SLC35F1: variants seen among roughly 807,000 people sequenced by gnomAD.
SLC35F1 encodes chromosome 6 open reading frame 169.
Under a neutral mutation model 48.7 loss-of-function variants are expected in SLC35F1, and 14 were observed. The ratio of observed to expected loss-of-function variants is 0.29; its 90% CI spans 0.19 to 0.45. The LOEUF (loss-of-function observed/expected upper bound fraction) is 0.45, where lower values mean the gene tolerates loss of function less well. Among genes scored for constraint, SLC35F1 ranks in the 20% least tolerant of loss-of-function variants. The probability of loss-of-function intolerance (pLI) is 1.00; values close to 1 mark genes in which losing one functional copy is unlikely to be tolerated. For synonymous variants in SLC35F1, 190 were observed against 202.2 expected, an observed-to-expected ratio of 0.94 and a Z score of 0.51; for missense variants, 404 against 500.0, an observed-to-expected ratio of 0.81 and a Z score of 1.83.
chr6:118,006,658 G>T (rs2114872611), intron 1 of SLC35F1, among the ~76,000 whole-genome samples: 1 of 152,122 alleles, frequency 6.6e-6, no homozygotes, highest in East Asian at 1.9e-4. Context: ...TAAAGTGTGT[G>T]ATTCCAGGCA....
At chr6:118,244,400 A>AC (rs1456498737) in intron 3 of SLC35F1, among the ~76,000 whole-genome samples, 1 of 152,264 alleles carries the variant, frequency 6.6e-6, no homozygotes, top group Non-Finnish European at 1.5e-5. Context: ...GAGTGGGGCT[A>AC]CCCCATAGGC....
At chr6:117,923,860 G>GCACATATA (rs1775979228) in intron 1 of SLC35F1, among the ~76,000 whole-genome samples, 15 of 115,978 alleles carry the variant, frequency 1.3e-4, no homozygotes, top group African/African-American at 5.4e-4. Flanking sequence ...ACATATATAT[G>GCACATATA]TGTGTACATA....
At chr6:118,131,299 C>A (rs1401890281) in intron 1 of SLC35F1, among the ~76,000 whole-genome samples, 2 of 152,030 alleles carry the variant, frequency 1.3e-5, no homozygotes, top group Non-Finnish European at 2.9e-5. Flanking sequence ...GTAGTCAAAG[C>A]ACAGAAACAA....
At chr6:118,015,865 G>A (rs187727377) in intron 1 of SLC35F1, among the ~76,000 whole-genome samples, 1 of 152,266 alleles carries the variant, frequency 6.6e-6, no homozygotes, top group East Asian at 1.9e-4. Context: ...AAGGACTATA[G>A]TGGTAAATCC....
intron 1 of SLC35F1, among the ~76,000 whole-genome samples, chr6:117,986,167 C>T (rs974042608): frequency 6.6e-6 from 1 of 152,156 alleles, no homozygotes; most frequent in Non-Finnish European, 1.5e-5. Flanking sequence ...TAAACAGTGT[C>T]CCAGTTCTCA....
chr6:117,952,145 T>C (rs1297820069), intron 1 of SLC35F1, among the ~76,000 whole-genome samples: 1 of 152,208 alleles, frequency 6.6e-6, no homozygotes, highest in African/African-American at 2.4e-5. Flanking sequence ...TTCCGATGGA[T>C]TGAGTCCTTT....
chr6:118,298,574 CTG>C (rs924534967), intron 7 of SLC35F1, among the ~76,000 whole-genome samples: 1 of 152,146 alleles, frequency 6.6e-6, no homozygotes, highest in Non-Finnish European at 1.5e-5. Flanking sequence ...AGTTTCTTGA[CTG>C]TTTCCTGAGT....
At chr6:118,031,697 T>C (rs1772052068) in intron 1 of SLC35F1, among the ~76,000 whole-genome samples, 1 of 152,202 alleles carries the variant, frequency 6.6e-6, no homozygotes, top group Non-Finnish European at 1.5e-5. Context: ...GGCAACCCCA[T>C]AGGGAGTGTG....
Position 118,012,519 on chromosome 6 carries a change from C to A in SLC35F1, c.173+104620C>A, listed in dbSNP as rs189793812. ...TTGAGAGCCATGCTTGGTGTGTGGA[C>A]CCAATTTTATTAAAGGATCCTGCTG... On this transcript the variant is annotated intron_variant, in intron 1 of 7. Coordinates refer to ENST00000360388, the MANE Select transcript of SLC35F1 (RefSeq NM_001029858.4). Among the ~76,000 whole-genome samples, 18 of 152,042 alleles carry A rather than the reference C, an allele frequency of 1.2e-4. No individual in the cohort carries two copies. The East Asian group carries it at 3.5e-3, about 30-fold the overall frequency.
intron 1 of SLC35F1, among the ~76,000 whole-genome samples, chr6:117,938,825 G>C (rs1019820756): frequency 2.0e-5 from 3 of 152,094 alleles, no homozygotes; most frequent in African/African-American, 7.2e-5. Context: ...TTAAGTGCCA[G>C]CTTACTGAAT....
chr6:118,242,909 A>T (rs1482598883), intron 3 of SLC35F1, among the ~76,000 whole-genome samples: 1 of 152,188 alleles, frequency 6.6e-6, no homozygotes, highest in Non-Finnish European at 1.5e-5. Flanking sequence ...CCCCTCTTTC[A>T]CACAGTGCAT....
intron 1 of SLC35F1, among the ~76,000 whole-genome samples, chr6:118,020,837 G>A (rs542942976): frequency 2.6e-5 from 4 of 152,284 alleles, no homozygotes; most frequent in African/African-American, 9.6e-5. Context: ...GACTATAGGA[G>A]CAGGGTGAAT....
In SLC35F1 at chr6:117,907,792, G is replaced by T. The variant is rs761085356; in HGVS notation, c.66G>T (p.Val22=). The change falls in exon 1 of 8, where the codon GTG becomes GTT. Residue 22 remains valine, a synonymous_variant. Transcript: ENST00000360388. The part of the protein sequence containing the change: ...QPPSPAPPNH[V]VTTIENLPAE... ...CGTCGCCAGCCCCGCCGAACCATGT[G>T]GTGACCACCATCGAGAACCTGCCGG... is the stretch of plus-strand genomic sequence containing the variant. 6.4e-7 allele frequency: 1 copy of T among 1,560,138 alleles called. No homozygotes were observed. The highest frequency in any genetic ancestry group is 8.6e-7 in the Non-Finnish European group (1 of 1,162,194).
chr6:117,983,836 C>G (rs4296914), intron 1 of SLC35F1, among the ~76,000 whole-genome samples: 5 of 152,064 alleles, frequency 3.3e-5, no homozygotes, highest in African/African-American at 1.2e-4. Flanking sequence ...TGTGACTGGC[C>G]TGATTTTTTG....
chr6:118,140,988 G>C (rs1024490001), intron 1 of SLC35F1, among the ~76,000 whole-genome samples: 4 of 152,074 alleles, frequency 2.6e-5, no homozygotes, highest in African/African-American at 7.2e-5. Flanking sequence ...AGTTTATAAG[G>C]TAAGAAAGAT....
At chr6:118,174,901 A>C (rs1774464085) in intron 2 of SLC35F1, among the ~76,000 whole-genome samples, 3 of 152,108 alleles carry the variant, frequency 2.0e-5, no homozygotes, top group Admixed American at 6.6e-5. Context: ...AAGAAAAAAA[A>C]AACAACCCTG....
chr6:118,141,150 A>G (rs892074013), intron 1 of SLC35F1, among the ~76,000 whole-genome samples: 1 of 152,176 alleles, frequency 6.6e-6, no homozygotes, highest in Non-Finnish European at 1.5e-5. Flanking sequence ...AAGCAGAGCA[A>G]CTTCCAGTCC....
At chr6:117,984,101 G>T (rs1776817453) in intron 1 of SLC35F1, among the ~76,000 whole-genome samples, 1 of 152,060 alleles carries the variant, frequency 6.6e-6, no homozygotes, top group Admixed American at 6.6e-5. Context: ...ATATTTGATA[G>T]TAACACAACT....
chr6:118,007,209 G>A (rs1262809082), intron 1 of SLC35F1, among the ~76,000 whole-genome samples: 1 of 152,136 alleles, frequency 6.6e-6, no homozygotes, highest in Non-Finnish European at 1.5e-5. Flanking sequence ...TCTACACACG[G>A]TGGGGGAGCT....
Sources: gnomAD v4.1 joint callset for allele counts (sites outside exome capture counted in the v4.1 genomes callset) on GRCh38, gnomAD v4.1.1 for gene constraint, MANE v1.5 for transcripts, NCBI Gene and HGNC (gene_info 2026-07-23, HGNC 2026-07-21) for gene names.